ALK: variants seen among roughly 807,000 people sequenced by gnomAD.
ALK encodes the protein ALK receptor tyrosine kinase.
ALK carries 74 observed loss-of-function variants against 163.1 expected under a neutral mutation model. That is an observed-to-expected ratio of 0.45 (90% confidence interval 0.38 to 0.55). The LOEUF is 0.55. ALK is among the 20% of genes least tolerant of loss of function. The pLI is 0.00. For missense variants in ALK, 2,063 were observed against 2,105.3 expected (o/e 0.98, Z 0.39); for synonymous variants, 960 against 843.2 (o/e 1.14, Z -2.40).
chr2:29,345,315 G>A (rs1667915555), intron 5 of ALK, among the ~76,000 whole-genome samples: 1 of 151,926 alleles, frequency 6.6e-6, no homozygotes, highest in South Asian at 2.1e-4. Flanking sequence ...AGGATCACCT[G>A]AGCCTGGGAG....
chr2:29,357,895 C>G (rs1668290279), intron 5 of ALK, among the ~76,000 whole-genome samples: 2 of 152,194 alleles, frequency 1.3e-5, no homozygotes, highest in Admixed American at 1.3e-4. Context: ...TTAATAATAT[C>G]TCACTGGCTT....
intron 28 of ALK, among the ~76,000 whole-genome samples, chr2:29,196,184 T>A (rs1036873611): frequency 2.0e-5 from 3 of 152,196 alleles, no homozygotes; most frequent in Non-Finnish European, 4.4e-5. Context: ...CCTTAACTCC[T>A]CATCTATAAG....
intron 3 of ALK, among the ~76,000 whole-genome samples, chr2:29,666,550 A>C (rs1443714074): frequency 6.6e-6 from 1 of 152,032 alleles, no homozygotes; most frequent in Non-Finnish European, 1.5e-5. Context: ...TGATAACTGA[A>C]TCAATTATTC....
At chr2:29,772,443 T>C (rs1010185871) in intron 1 of ALK, among the ~76,000 whole-genome samples, 2 of 151,850 alleles carry the variant, frequency 1.3e-5, no homozygotes, top group African/African-American at 4.8e-5. Context: ...ATTGGAAGAG[T>C]GAAGAGAAAT....
chr2:29,203,512 T>TTTTTTTTTTTTTG (rs869138004), intron 26 of ALK, among the ~76,000 whole-genome samples: 1 of 127,628 alleles, frequency 7.8e-6, no homozygotes, highest in Non-Finnish European at 1.7e-5. Context: ...TTTTTTTTTT[T>TTTTTTTTTTTTTG]GTGAGACAGA....
chr2:29,816,716 T>C (rs1572402715), intron 1 of ALK, among the ~76,000 whole-genome samples: 1 of 152,206 alleles, frequency 6.6e-6, no homozygotes, highest in Non-Finnish European at 1.5e-5. Flanking sequence ...CTCTGCGACC[T>C]TGAGCAATTG....
intron 1 of ALK, among the ~76,000 whole-genome samples, chr2:29,810,219 C>T (rs1395384950): frequency 1.3e-5 from 2 of 151,994 alleles, no homozygotes; most frequent in Non-Finnish European, 2.9e-5. Context: ...GTCAGGAGCT[C>T]GAGACCAGCC....
rs1558606776 is a variant in ALK at position 29,197,618 on chromosome 2, TG to T, written c.3996del (p.Ser1332ArgfsTer30). On this transcript the variant is annotated frameshift_variant, in exon 27 of 29. Coordinates refer to ENST00000389048, the MANE Select transcript of ALK (RefSeq NM_004304.5). LOFTEE classifies it high-confidence loss of function. ...IFSLGYMPYP[S>X]KSNQEVLEFV... ...AACTCCAGAACTTCCTGGTTGCTTT[TG>T]CTGGGGTATGGCATATATCCAAGAG... is the stretch of plus-strand genomic sequence containing the variant. 1.2e-6 allele frequency: 2 copies of T among 1,614,074 alleles called. No homozygotes were observed. Among genetic ancestry groups the T allele is most frequent in the Non-Finnish European group, 1.7e-6 (2 of 1,180,024 alleles).
chr2:29,260,876 G>A (rs530054535), intron 11 of ALK, among the ~76,000 whole-genome samples: 1 of 151,726 alleles, frequency 6.6e-6, no homozygotes, highest in Admixed American at 6.6e-5. Flanking sequence ...ACAAAAAAAC[G>A]CAGTTTGCTT....
chr2:29,208,753 C>T (rs1240561655), intron 25 of ALK, among the ~76,000 whole-genome samples: 2 of 152,034 alleles, frequency 1.3e-5, no homozygotes, highest in Admixed American at 1.3e-4. Flanking sequence ...CCTCTCTCTA[C>T]CCCTGTGAGT....
At chr2:29,344,762 T>C (rs2148274011) in intron 5 of ALK, among the ~76,000 whole-genome samples, 1 of 152,338 alleles carries the variant, frequency 6.6e-6, no homozygotes, top group South Asian at 2.1e-4. Context: ...AACTGGGATG[T>C]CTGAATGATA....
At chr2:29,879,493 CTGTTTT>C (rs1158136516) in intron 1 of ALK, among the ~76,000 whole-genome samples, 7 of 152,186 alleles carry the variant, frequency 4.6e-5, no homozygotes, top group African/African-American at 7.2e-5. Flanking sequence ...CTATGGCAAC[CTGTTTT>C]AAACTATTCT....
intron 3 of ALK, among the ~76,000 whole-genome samples, chr2:29,689,563 G>T (rs182813568): frequency 1.4e-3 from 209 of 152,296 alleles, no homozygotes; most frequent in African/African-American, 4.9e-3. Context: ...ACTTCCTGAA[G>T]GGTCTAAGAA....
At chr2:29,413,779 T>C (rs773943614) in intron 4 of ALK, among the ~76,000 whole-genome samples, 1 of 152,092 alleles carries the variant, frequency 6.6e-6, no homozygotes, top group Non-Finnish European at 1.5e-5. Context: ...GTGACCCACC[T>C]GCCTCAGCCT....
chr2:29,581,380 T>A (rs1245534701), intron 3 of ALK, among the ~76,000 whole-genome samples: 2 of 150,234 alleles, frequency 1.3e-5, no homozygotes, highest in African/African-American at 4.9e-5. Context: ...AGAGTGAGGA[T>A]CCATCTCAAA....
At chr2:29,446,091 T>C (rs1573361242) in intron 4 of ALK, among the ~76,000 whole-genome samples, 1 of 60,090 alleles carries the variant, frequency 1.7e-5, no homozygotes, top group Non-Finnish European at 2.8e-5. Context: ...AGAGCGAGAC[T>C]CCGTCTCAAA....
chr2:29,778,653 G>A (rs548280367), intron 1 of ALK, among the ~76,000 whole-genome samples: 42 of 152,206 alleles, frequency 2.8e-4, no homozygotes, highest in African/African-American at 7.9e-4. Flanking sequence ...TATCTGCTTC[G>A]CACCCTCATT....
At chr2:29,836,443 A>G (rs1432669577) in intron 1 of ALK, among the ~76,000 whole-genome samples, 1 of 152,164 alleles carries the variant, frequency 6.6e-6, no homozygotes, top group African/African-American at 2.4e-5. Context: ...TCACCATGAA[A>G]AAAATAGAGA....
At chr2:29,260,599 G>A (rs1317285975) in intron 11 of ALK, among the ~76,000 whole-genome samples, 1 of 152,146 alleles carries the variant, frequency 6.6e-6, no homozygotes, top group Admixed American at 6.5e-5. Flanking sequence ...CACTTTGGGA[G>A]GCTGAGGCAG....
Sources: allele counts gnomAD v4.1 joint callset (sites outside exome capture counted in the v4.1 genomes callset), GRCh38; gene constraint gnomAD v4.1.1; transcripts MANE v1.5; gene names NCBI Gene and HGNC (gene_info 2026-07-23, HGNC 2026-07-21).